Variants in WNT7A observed in about 807,000 individuals in gnomAD.
WNT7A encodes protein Wnt-7a.
WNT7A carries 16 observed loss-of-function variants against 28.2 expected under a neutral mutation model. That is an observed-to-expected ratio of 0.57 (90% CI 0.38 to 0.86). The LOEUF (loss-of-function observed/expected upper bound fraction) is 0.86, where lower values mean the gene tolerates loss of function less well. Ranked by LOEUF, WNT7A falls within the 40% of genes least tolerant of loss-of-function variation. The pLI, the probability that WNT7A is intolerant of heterozygous loss-of-function variation, is 0.00. For missense variants in WNT7A, 411 were observed against 489.7 expected, an observed-to-expected ratio of 0.84 and a Z score of 1.52; for synonymous variants, 190 against 195.9, an observed-to-expected ratio of 0.97 and a Z score of 0.25.
At chr3:13,825,233 T>G (rs987489159) in intron 3 of WNT7A, among the ~76,000 whole-genome samples, 7 of 152,212 alleles carry the variant, frequency 4.6e-5, no homozygotes, top group Admixed American at 1.3e-4. Context: ...GTTTGAATAT[T>G]CTGCCATGTC....
At chr3:13,866,993 A>G (rs945499275) in intron 2 of WNT7A, among the ~76,000 whole-genome samples, 2 of 152,132 alleles carry the variant, frequency 1.3e-5, no homozygotes, top group Admixed American at 6.5e-5. Flanking sequence ...TAGAGTCAAA[A>G]TGGTCAGCTT....
intron 2 of WNT7A, among the ~76,000 whole-genome samples, chr3:13,861,158 A>C (rs1032449942): frequency 6.6e-6 from 1 of 152,180 alleles, no homozygotes; most frequent in Non-Finnish European, 1.5e-5. Flanking sequence ...CCAGGCCTAC[A>C]TTCTTGCCCA....
At chr3:13,825,772 C>T (rs1051045929) in intron 3 of WNT7A, among the ~76,000 whole-genome samples, 4 of 152,270 alleles carry the variant, frequency 2.6e-5, no homozygotes, top group Middle Eastern at 3.4e-3. Flanking sequence ...TGGGCAGGAC[C>T]GAGTCCAGTG....
intron 2 of WNT7A, among the ~76,000 whole-genome samples, chr3:13,872,983 G>A (rs1422066766): frequency 6.6e-6 from 1 of 151,076 alleles, no homozygotes; most frequent in Non-Finnish European, 1.5e-5. Context: ...AACAATGCTG[G>A]AGCCCATGCC....
Position 13,874,941 on chromosome 3 carries a change from A to C in WNT7A, c.298+6T>G, listed in dbSNP as rs760349310. On this transcript the variant is annotated splice_donor_region_variant and intron_variant, in intron 2 of 3. Transcript: ENST00000285018. The stretch of plus-strand genomic sequence containing the variant: ...ACTCTGCGGGGGTGTTTGGGTGAGC[A>C]CATACCCACTTTGAGCTCCTTCCCG... 2 of 1,613,746 alleles carry C rather than the reference A, an allele frequency of 1.2e-6. No individual in the cohort carries two copies.
At chr3:13,869,237 G>GCA (rs1559307552) in intron 2 of WNT7A, among the ~76,000 whole-genome samples, 2 of 141,130 alleles carry the variant, frequency 1.4e-5, no homozygotes, top group Non-Finnish European at 3.0e-5. Context: ...GAGAGAGAGA[G>GCA]AGAGGAAGAA....
intron 3 of WNT7A, among the ~76,000 whole-genome samples, chr3:13,844,345 G>A (rs569541748): frequency 3.9e-5 from 6 of 152,336 alleles, no homozygotes; most frequent in African/African-American, 1.4e-4. Context: ...ACATGGAAGG[G>A]CAGGCCTTGA....
At chr3:13,858,835 C>T (rs1694787297) in intron 2 of WNT7A, among the ~76,000 whole-genome samples, 1 of 152,118 alleles carries the variant, frequency 6.6e-6, no homozygotes, top group Admixed American at 6.5e-5. Flanking sequence ...TTGACGTTGG[C>T]CTTACCTGCC....
Position 13,875,117 on chromosome 3 carries a change from C to A in WNT7A, c.128G>T (p.Gly43Val). 2 of 1,614,156 alleles carry A rather than the reference C, an allele frequency of 1.2e-6. No homozygotes were observed. The highest frequency in any genetic ancestry group is 1.7e-6 in the Non-Finnish European group (2 of 1,180,020). Residue 43 changes from glycine (G) to valine (V), a missense_variant, in exon 2 of 4, where the codon GGC becomes GTC. Physicochemically the swap from Gly to Val is moderately radical, Grantham distance 109 (BLOSUM62 -3). Transcript: ENST00000285018. ...GATCGCCCGCTGTCTGGGAGCCAGG[C>A]CTGGGATCTTGTTACAGATGATGCT... ...GASIICNKIP[G>V]LAPRQRAICQ...
chr3:13,823,992 C>A (rs1279911779), intron 3 of WNT7A, among the ~76,000 whole-genome samples: 3 of 152,232 alleles, frequency 2.0e-5, no homozygotes, highest in African/African-American at 7.2e-5. Context: ...GGAGTAACCA[C>A]TCCCCAGTGT....
At chr3:13,849,840 T>C (rs1468140184) in intron 3 of WNT7A, among the ~76,000 whole-genome samples, 4 of 152,208 alleles carry the variant, frequency 2.6e-5, no homozygotes, top group African/African-American at 7.2e-5. Flanking sequence ...GCCTGTGCAA[T>C]GGCCCTGAGG....
At chr3:13,853,397 C>T (rs952042861) in intron 3 of WNT7A, among the ~76,000 whole-genome samples, 1 of 152,216 alleles carries the variant, frequency 6.6e-6, no homozygotes, top group Non-Finnish European at 1.5e-5. Context: ...CACAAGGCTG[C>T]ACTCTTCGGC....
chr3:13,870,133 C>A (rs1395550514), intron 2 of WNT7A, among the ~76,000 whole-genome samples: 1 of 152,206 alleles, frequency 6.6e-6, no homozygotes, highest in Non-Finnish European at 1.5e-5. Flanking sequence ...AAAGCCTGAA[C>A]CATGCTGCAC....
chr3:13,827,494 AG>A (rs1417589957), intron 3 of WNT7A, among the ~76,000 whole-genome samples: 1 of 152,176 alleles, frequency 6.6e-6, no homozygotes, highest in Non-Finnish European at 1.5e-5. Flanking sequence ...TGGGGTTCTC[AG>A]GCCTGGGAGG....
chr3:13,872,076 A>G (rs1292445938), intron 2 of WNT7A, among the ~76,000 whole-genome samples: 1 of 151,690 alleles, frequency 6.6e-6, no homozygotes, highest in African/African-American at 2.4e-5. Context: ...CCCATAGCTC[A>G]CCTCCCTCAC....
At chr3:13,875,836 T>C (rs7624679) in intron 1 of WNT7A, 88,809 of 153,706 alleles carry the variant, frequency 0.58, 26,493 homozygotes, top group East Asian at 0.94. Context: ...GCGACTATTA[T>C]GAGGAGAATT....
intron 3 of WNT7A, among the ~76,000 whole-genome samples, chr3:13,830,230 G>A (rs556972084): frequency 5.3e-5 from 8 of 152,190 alleles, no homozygotes; most frequent in Non-Finnish European, 7.4e-5. Flanking sequence ...GGTGGGCCCC[G>A]GTCAAAAAGA....
At chr3:13,847,124 GA>G (rs1694550015) in intron 3 of WNT7A, among the ~76,000 whole-genome samples, 1 of 152,218 alleles carries the variant, frequency 6.6e-6, no homozygotes, top group South Asian at 2.1e-4. Flanking sequence ...TGTCATCAGA[GA>G]AAACTGGCAA....
Position 13,854,589 on chromosome 3 carries a change from C to A in WNT7A, c.513G>T (p.Glu171Asp). 2 of 1,614,178 alleles carry A rather than the reference C, an allele frequency of 1.2e-6. No homozygotes were observed. Among genetic ancestry groups the A allele is most frequent in the Non-Finnish European group, 1.7e-6 (2 of 1,180,044 alleles). Residue 171 changes from glutamate to aspartate, a missense_variant, in exon 3 of 4, where the codon GAG becomes GAT. Physicochemically the swap from Glu to Asp is conservative, Grantham distance 45. Coordinates refer to ENST00000285018, the MANE Select transcript of WNT7A (RefSeq NM_004625.4). ...TGAGAGTCCGGGCATTCTGCTTGATCTCCCGGGCATCCACAAAGACCTTGG... is the reference window on the plus strand; with the variant it reads ...TGAGAGTCCGGGCATTCTGCTTGATATCCCGGGCATCCACAAAGACCTTGG... Reference protein sequence around the residue: ...GFAKVFVDAREIKQNARTLMN... With the variant: ...GFAKVFVDARDIKQNARTLMN...
Sources: gnomAD v4.1 joint callset for allele counts (sites outside exome capture counted in the v4.1 genomes callset) on GRCh38, gnomAD v4.1.1 for gene constraint, MANE v1.5 for transcripts, NCBI Gene and HGNC (gene_info 2026-07-23, HGNC 2026-07-21) for gene names.